The following FKBP3 variants were observed in gnomAD, a reference collection of about 807,000 sequenced individuals.
FKBP3 encodes the protein peptidyl-prolyl cis-trans isomerase FKBP3.
Under a neutral mutation model 30.6 loss-of-function variants are expected in FKBP3, and 21 were observed. That is an observed-to-expected ratio of 0.69 (90% CI 0.49 to 0.99). FKBP3 has a LOEUF of 0.99. Ranked by LOEUF, FKBP3 falls within the 50% of genes least tolerant of loss-of-function variation. The pLI, the probability that FKBP3 is intolerant of heterozygous loss-of-function variation, is 0.00. For synonymous variants in FKBP3, 82 were observed against 91.3 expected, an observed-to-expected ratio of 0.90 and a Z score of 0.58; for missense variants, 283 against 261.6, an observed-to-expected ratio of 1.08 and a Z score of -0.56.
rs572098588 is a variant in FKBP3, at chr14:45,133,526, A to C, written c.108+823T>G. ...TCTAAATGAAAAGTTTAGAATTTTA[A>C]AAATTGTATAGAAAACACAAGCAGG... On this transcript the variant is annotated intron_variant, in intron 1 of 6. Transcript: ENST00000396062. 130 of 155,326 alleles carry C rather than the reference A, an allele frequency of 8.4e-4. 1 individual carries two copies. In the South Asian group the frequency reaches 8.6e-3, roughly 10 times the overall value. The allele number at this position is 155,326 out of a possible 1,614,324, so 9.6% of individuals were successfully genotyped here.
intron 1 of FKBP3, among the ~76,000 whole-genome samples, chr14:45,132,891 A>G (rs931815670): frequency 6.6e-6 from 1 of 152,244 alleles, no homozygotes; most frequent in African/African-American, 2.4e-5. Flanking sequence ...AGGTATTATT[A>G]AATGTTAATG....
Position 45,134,474 on chromosome 14 carries a change from GCTTTA to G in FKBP3, c.-23_-19del. ...GCCGCCATCTTCCCCCGCTGCCTCC[GCTTTA>G]CTGAGCCAGCCCGCCGCAGTTCGGC... On this transcript the variant is annotated 5_prime_UTR_variant, in exon 1 of 7. Transcript: ENST00000396062. The G allele has an allele frequency of 6.2e-6, 10 of 1,603,720 alleles. No homozygotes were observed. Among genetic ancestry groups the G allele is most frequent in the Non-Finnish European group, 8.5e-6 (10 of 1,173,938 alleles).
rs527857083 is a variant in FKBP3, at chr14:45,125,977, C to T, written c.318+3817G>A. Reference sequence around the variant, plus strand: ...AGTGGCACACAATCTTGTCTCACTACAATCTCTGGCTCCCAGGCTCAAAGG... The same window carrying T: ...AGTGGCACACAATCTTGTCTCACTATAATCTCTGGCTCCCAGGCTCAAAGG... On this transcript the variant is annotated intron_variant, in intron 3 of 6. Coordinates refer to ENST00000396062, the MANE Select transcript of FKBP3 (RefSeq NM_002013.4). Among the ~76,000 whole-genome samples the T allele has an allele frequency of 1.4e-4, 21 of 152,050 alleles. No individual in the cohort carries two copies. The South Asian group carries it at 4.4e-3, about 32-fold the overall frequency.
At chr14:45,133,636 A>G (rs903922235) in intron 1 of FKBP3, among the ~76,000 whole-genome samples, 1 of 152,232 alleles carries the variant, frequency 6.6e-6, no homozygotes, top group Non-Finnish European at 1.5e-5. Flanking sequence ...CAAAGGAAAA[A>G]CAAGTGTAAC....
chr14:45,132,224 G>C (rs1446324396), intron 1 of FKBP3, among the ~76,000 whole-genome samples: 1 of 152,132 alleles, frequency 6.6e-6, no homozygotes, highest in Non-Finnish European at 1.5e-5. Flanking sequence ...ATGGGGAAAG[G>C]AGACAAAGTT....
At chr14:45,130,981 G>T (rs571767410) in intron 1 of FKBP3, 181 bp from the exon 2 acceptor site, 39 of 472,292 alleles carry the variant, frequency 8.3e-5, no homozygotes, top group Admixed American at 1.5e-4. Flanking sequence ...TTAAAAATTC[G>T]GTATTTACAA....
In FKBP3 at chr14:45,130,717, G is replaced by A. The variant is rs1462916643; in HGVS notation, c.192C>T (p.Asn64=). 1 of 1,602,642 alleles carries A rather than the reference G, an allele frequency of 6.2e-7. No homozygotes were observed. The highest frequency in any genetic ancestry group is 2.2e-5 in the East Asian group (1 of 44,576). ...TACTCACCTTAGTTTCAAAAAGATG[G>A]TTATAGGCTGTAACCAAGTGGTCCT... ...ANKDHLVTAY[N]HLFETKRFKG... is the part of the protein sequence containing the mutation. The change falls in exon 2 of 7, where the codon AAC becomes AAT. Residue 64 remains asparagine, a synonymous_variant. Transcript: ENST00000396062.
At position 45,134,297 on chromosome 14, in the gene FKBP3, G is replaced by A. The variant is rs929311192; in HGVS notation, c.108+52C>T. 4 of 1,376,944 alleles carry A rather than the reference G, an allele frequency of 2.9e-6. No homozygotes were observed. In the South Asian group the frequency reaches 3.5e-5, roughly 12 times the overall value. 85.3% of individuals were successfully genotyped at this position (1,376,944 alleles called of 1,614,324 possible). A position where few individuals can be genotyped will look rare whatever the true frequency, so the allele number is the denominator to read the frequency against. On this transcript the variant is annotated intron_variant, in intron 1 of 6. Coordinates refer to ENST00000396062, the MANE Select transcript of FKBP3 (RefSeq NM_002013.4). Reference sequence around the variant, plus strand: ...CGGAATGTATGGGCATCTCCAGGGGGGTGAGGCGTCCCTCAGCCGCACCAG... The same window carrying A: ...CGGAATGTATGGGCATCTCCAGGGGAGTGAGGCGTCCCTCAGCCGCACCAG...
intron 2 of FKBP3, 75 bp downstream of exon 2, chr14:45,130,624 A>G: frequency 1.2e-6 from 1 of 858,800 alleles, no homozygotes; most frequent in Non-Finnish European, 1.8e-6. Context: ...CAACAAATCA[A>G]TGCATTTTAA....
intron 1 of FKBP3, 181 bp from the exon 2 acceptor site, chr14:45,130,981 G>A (rs571767410): frequency 1.1e-5 from 5 of 472,290 alleles, no homozygotes; most frequent in Admixed American, 3.9e-5. Context: ...TTAAAAATTC[G>A]GTATTTACAA....
intron 3 of FKBP3, among the ~76,000 whole-genome samples, chr14:45,123,985 C>T (rs1208633002): frequency 2.0e-5 from 3 of 152,004 alleles, no homozygotes; most frequent in African/African-American, 4.8e-5. Context: ...CTTTCCCCTA[C>T]TGTCAGTAGG....
At chr14:45,117,104 T>TG (rs776770735) in intron 6 of FKBP3, among the ~76,000 whole-genome samples, 1 of 152,022 alleles carries the variant, frequency 6.6e-6, no homozygotes, top group Non-Finnish European at 1.5e-5. Flanking sequence ...CCAGGGTAGC[T>TG]GGGATTACAG....
In FKBP3 at chr14:45,134,022, C is replaced by T. The variant is rs564810519; in HGVS notation, c.108+327G>A. On this transcript the variant is annotated intron_variant, in intron 1 of 6. Transcript: ENST00000396062. ...AGGAGTCTCATCCACACCACTATTCCTCGGCCTCTCCGCCCTAGCCCCCAA... is the reference window on the plus strand; with the variant it reads ...AGGAGTCTCATCCACACCACTATTCTTCGGCCTCTCCGCCCTAGCCCCCAA... Among the ~76,000 whole-genome samples the T allele has an allele frequency of 2.6e-5, 4 of 152,354 alleles. No homozygotes were observed. The South Asian group carries it at 8.3e-4, about 32-fold the overall frequency.
chr14:45,133,164 A>G (rs1234486650), intron 1 of FKBP3, among the ~76,000 whole-genome samples: 2 of 152,214 alleles, frequency 1.3e-5, no homozygotes, highest in African/African-American at 2.4e-5. Context: ...AAATGAAAAT[A>G]AAATATAAGC....
chr14:45,120,546 C>A (rs1315349858), intron 5 of FKBP3, among the ~76,000 whole-genome samples: 1 of 151,948 alleles, frequency 6.6e-6, no homozygotes, highest in Non-Finnish European at 1.5e-5. Flanking sequence ...ATTTAGAGGG[C>A]CAAACATTCT....
chr14:45,121,551 CATCTCCCTTTTTGGGAAAGTTGGTTTT>C lies in FKBP3; in HGVS notation c.361_387del (p.Lys121_Asp129del). Reference sequence around the variant, plus strand: ...GTTCCTGTATACCAGCAGTGAACAACATCTCCCTTTTTGGGAAAGTTGGTTTTATCTCCCTTTTTCAGAACAGATTTA... The same window carrying C: ...GTTCCTGTATACCAGCAGTGAACAACATCTCCCTTTTTCAGAACAGATTTA... On this transcript the variant is annotated inframe_deletion, in exon 4 of 7. Transcript: ENST00000396062. The C allele has an allele frequency of 6.2e-7, 1 of 1,613,660 alleles. No individual in the cohort carries two copies. The highest frequency in any genetic ancestry group is 2.2e-5 in the East Asian group (1 of 44,812).
chr14:45,131,980 G>A (rs73340650), intron 1 of FKBP3, among the ~76,000 whole-genome samples: 3,063 of 152,254 alleles, frequency 0.02, 113 homozygotes, highest in African/African-American at 0.07. Flanking sequence ...TGAAAATCAC[G>A]TAATTGTGAG....
intron 1 of FKBP3, among the ~76,000 whole-genome samples, chr14:45,134,032 C>G (rs1885294836): frequency 6.6e-6 from 1 of 152,240 alleles, no homozygotes. Flanking sequence ...CTCGGCCTCT[C>G]CGCCCTAGCC....
intron 3 of FKBP3, among the ~76,000 whole-genome samples, chr14:45,127,208 G>A (rs1301119144): frequency 6.6e-6 from 1 of 150,416 alleles, no homozygotes; most frequent in African/African-American, 2.5e-5. Flanking sequence ...CCGCCTCTGG[G>A]GTTCAGGCGA....
Sources: gnomAD v4.1 joint callset for allele counts (sites outside exome capture counted in the v4.1 genomes callset) on GRCh38, gnomAD v4.1.1 for gene constraint, MANE v1.5 for transcripts, NCBI Gene and HGNC (gene_info 2026-07-23, HGNC 2026-07-21) for gene names.